DNAH12: variants seen among roughly 807,000 people sequenced by gnomAD.
DNAH12 encodes dynein axonemal heavy chain 12.
In DNAH12, 285 loss-of-function variants were observed where a neutral mutation model predicts 371.5. The observed-to-expected ratio is 0.77, with a 90% confidence interval of 0.70 to 0.85. DNAH12 has a LOEUF of 0.85. Among genes scored for constraint, DNAH12 ranks in the 40% least tolerant of loss-of-function variants. The pLI is 0.00. For missense variants in DNAH12, 3,611 were observed against 3,689.4 expected (o/e 0.98, Z 0.55); for synonymous variants, 1,200 against 1,213.0 (o/e 0.99, Z 0.22).
intron 39 of DNAH12, among the ~76,000 whole-genome samples, chr3:57,408,962 T>C (rs2064123408): frequency 1.3e-5 from 2 of 152,164 alleles, no homozygotes; most frequent in African/African-American, 2.4e-5. Flanking sequence ...TTAATAACAC[T>C]CCCCTTTTAC....
chr3:57,457,651 T>C (rs2065937650), intron 22 of DNAH12, 70 bp downstream of exon 22: 2 of 1,434,396 alleles, frequency 1.4e-6, no homozygotes, highest in African/African-American at 1.4e-5. Context: ...GTTAATTTAC[T>C]GGTTTCCAAA....
intron 29 of DNAH12, among the ~76,000 whole-genome samples, chr3:57,437,278 T>C (rs1257650450): frequency 6.6e-6 from 1 of 152,216 alleles, no homozygotes; most frequent in South Asian, 2.1e-4. Flanking sequence ...TGAATGATCA[T>C]AGCATGATAG....
At chr3:57,433,961 T>A (rs758310970) in intron 30 of DNAH12, 133 bp from the exon 31 acceptor site, 1 of 729,510 alleles carries the variant, frequency 1.4e-6, no homozygotes, top group African/African-American at 1.8e-5. Flanking sequence ...TTCTCAGACA[T>A]GAAGAAAACA....
chr3:57,392,135 A>G (rs2063636970), intron 44 of DNAH12, 69 bp from the exon 45 acceptor site: 1 of 148,564 alleles, frequency 6.7e-6, no homozygotes, highest in South Asian at 2.2e-4. Flanking sequence ...ATTGGTGGAT[A>G]TTAGAATATG....
At chr3:57,462,184 G>A (rs2066072741) in intron 18 of DNAH12, among the ~76,000 whole-genome samples, 1 of 152,198 alleles carries the variant, frequency 6.6e-6, no homozygotes, top group South Asian at 2.1e-4. Context: ...GATCAAAGGA[G>A]TCATTTCTCG....
chr3:57,317,467 G>C (rs1273623784), intron 65 of DNAH12, among the ~76,000 whole-genome samples: 1 of 152,104 alleles, frequency 6.6e-6, no homozygotes, highest in Non-Finnish European at 1.5e-5. Context: ...GAATCATACA[G>C]CATTTCTCTT....
chr3:57,541,303 G>A (rs1219713567), intron 2 of DNAH12, among the ~76,000 whole-genome samples: 1 of 152,064 alleles, frequency 6.6e-6, no homozygotes, highest in Non-Finnish European at 1.5e-5. Context: ...GCCTCCCAAA[G>A]TGGTAGGATT....
chr3:57,448,100 T>A (rs2065584684), intron 25 of DNAH12, among the ~76,000 whole-genome samples: 1 of 152,242 alleles, frequency 6.6e-6, no homozygotes, highest in African/African-American at 2.4e-5. Context: ...TTATTGTGAA[T>A]AATAAATATA....
chr3:57,377,149 T>C lies in DNAH12; in HGVS notation c.8297A>G (p.Gln2766Arg), dbSNP rs1008003951. 5.9e-5 allele frequency: 9 copies of C among 152,208 alleles called. No homozygotes were observed. Among genetic ancestry groups the C allele is most frequent in the Non-Finnish European group, 5.9e-5 (4 of 68,032 alleles). 9.4% of individuals were successfully genotyped at this position (152,208 alleles called of 1,614,324 possible). ...SLAETMELLN[Q>R]KRAELAEVEH... ...TACTTCTGCCAGTTCTGCTCTCTTC[T>C]GATTCAAAAGCTCCATTGTCTCAGC... is the stretch of plus-strand genomic sequence containing the variant. The change falls in exon 53 of 74, where the codon CAG becomes CGG. Residue 2766 changes from glutamine to arginine, a missense_variant. Gln to Arg is a conservative substitution (Grantham distance 43). Coordinates refer to ENST00000495027, the MANE Select transcript of DNAH12 (RefSeq NM_001366028.2).
At chr3:57,461,813 T>C (rs911563615) in intron 18 of DNAH12, 124 bp from the exon 19 acceptor site, 1 of 771,130 alleles carries the variant, frequency 1.3e-6, no homozygotes, top group Non-Finnish European at 2.0e-6. Flanking sequence ...TAAGATAATC[T>C]GTGAGTACAG....
chr3:57,383,027 G>A (rs1454475155), intron 49 of DNAH12, among the ~76,000 whole-genome samples: 1 of 152,184 alleles, frequency 6.6e-6, no homozygotes, highest in Non-Finnish European at 1.5e-5. Flanking sequence ...GAGAGTGGCA[G>A]GGTGCAAGAC....
At chr3:57,296,780 C>T (rs2107641946) in intron 71 of DNAH12, 67 bp downstream of exon 71, 12 of 1,504,096 alleles carry the variant, frequency 8.0e-6, no homozygotes, top group Non-Finnish European at 9.8e-6. Flanking sequence ...GGTTACAATA[C>T]ATAAACTCGG....
chr3:57,536,141 T>C (rs2069035181), intron 2 of DNAH12: 3 of 150,812 alleles, frequency 2.0e-5, no homozygotes, highest in Non-Finnish European at 4.5e-5. Context: ...GGCCTAAACC[T>C]CTATTCTTTA....
intron 69 of DNAH12, among the ~76,000 whole-genome samples, chr3:57,306,263 G>T (rs1248998222): frequency 1.3e-5 from 2 of 152,068 alleles, no homozygotes; most frequent in Non-Finnish European, 2.9e-5. Context: ...CAATACAGAG[G>T]CTACCCACTT....
At chr3:57,385,742 C>T (rs1221396034) in intron 47 of DNAH12, among the ~76,000 whole-genome samples, 8 of 152,028 alleles carry the variant, frequency 5.3e-5, no homozygotes, top group Admixed American at 3.3e-4. Context: ...ATTTGCCAGG[C>T]GTGGCAGCAT....
chr3:57,383,510 T>G (rs1182077651), intron 49 of DNAH12, among the ~76,000 whole-genome samples: 12 of 151,966 alleles, frequency 7.9e-5, no homozygotes, highest in African/African-American at 2.7e-4. Context: ...AAAGGCTTTG[T>G]CAAACTAAGT....
chr3:57,408,022 T>C (rs909758794), intron 40 of DNAH12, among the ~76,000 whole-genome samples: 4 of 152,270 alleles, frequency 2.6e-5, no homozygotes, highest in Admixed American at 2.6e-4. Context: ...AGGTGTTTTA[T>C]TCCATTTTAG....
At chr3:57,360,447 G>A (rs1166628922) in intron 58 of DNAH12, among the ~76,000 whole-genome samples, 3 of 152,104 alleles carry the variant, frequency 2.0e-5, no homozygotes, top group South Asian at 2.1e-4. Context: ...CCAGCACTTC[G>A]AGAGGCCAAG....
intron 5 of DNAH12, among the ~76,000 whole-genome samples, chr3:57,509,995 A>C (rs1015148084): frequency 1.3e-5 from 2 of 152,004 alleles, no homozygotes; most frequent in Non-Finnish European, 2.9e-5. Context: ...AAAATGATAA[A>C]TATGTGAAAA....
Sources: gnomAD v4.1 joint callset for allele counts (sites outside exome capture counted in the v4.1 genomes callset) on GRCh38, gnomAD v4.1.1 for gene constraint, MANE v1.5 for transcripts, NCBI Gene and HGNC (gene_info 2026-07-23, HGNC 2026-07-21) for gene names.